The following DNM3 variants were observed in gnomAD, a reference collection of about 807,000 sequenced individuals.
DNM3 encodes the protein dynamin-3.
DNM3 carries 47 observed loss-of-function variants against 101.6 expected under a neutral mutation model. That is an observed-to-expected ratio of 0.46 (90% CI 0.37 to 0.59). The LOEUF (loss-of-function observed/expected upper bound fraction) is 0.59, where lower values mean the gene tolerates loss of function less well. Ranked by LOEUF, DNM3 falls within the 20% of genes least tolerant of loss-of-function variation. DNM3 has a pLI of 0.00. For missense variants in DNM3, 849 were observed against 1,085.7 expected (o/e 0.78, Z 3.06); for synonymous variants, 385 against 387.9 (o/e 0.99, Z 0.09).
At chr1:172,066,460 G>A (rs769698804) in intron 10 of DNM3, among the ~76,000 whole-genome samples, 3 of 152,018 alleles carry the variant, frequency 2.0e-5, no homozygotes, top group Non-Finnish European at 2.9e-5. Flanking sequence ...AGCTCAGGTC[G>A]CTAGTCCTCT....
intron 1 of DNM3, among the ~76,000 whole-genome samples, chr1:171,871,574 G>C (rs146586438): frequency 9.2e-5 from 14 of 152,132 alleles, no homozygotes; most frequent in East Asian, 1.9e-4. Context: ...TATGAACACC[G>C]TGAAACATCC....
chr1:171,869,025 C>T (rs939809494), intron 1 of DNM3, among the ~76,000 whole-genome samples: 4 of 152,274 alleles, frequency 2.6e-5, no homozygotes, highest in East Asian at 1.9e-4. Context: ...TCAGGTGATC[C>T]GCCTGCCTCA....
At chr1:171,855,561 A>T (rs1239810623) in intron 1 of DNM3, among the ~76,000 whole-genome samples, 1 of 152,154 alleles carries the variant, frequency 6.6e-6, no homozygotes, top group African/African-American at 2.4e-5. Context: ...ACTTTTATAT[A>T]ATAGCCATGC....
At chr1:172,037,733 C>A (rs942981678) in intron 6 of DNM3, among the ~76,000 whole-genome samples, 3 of 152,162 alleles carry the variant, frequency 2.0e-5, no homozygotes, top group African/African-American at 7.2e-5. Context: ...CCTTCAATAG[C>A]AGAGAGAGCT....
chr1:171,940,239 T>C (rs546840483), intron 2 of DNM3, among the ~76,000 whole-genome samples: 2 of 152,336 alleles, frequency 1.3e-5, no homozygotes, highest in African/African-American at 4.8e-5. Context: ...ATTAACAGTC[T>C]CCTGCAAGCC....
chr1:171,885,860 G>A (rs1054106394), intron 1 of DNM3, among the ~76,000 whole-genome samples: 3 of 152,134 alleles, frequency 2.0e-5, no homozygotes, highest in South Asian at 4.1e-4. Flanking sequence ...GCACAGTGAG[G>A]GTTAGGGGGT....
intron 14 of DNM3, among the ~76,000 whole-genome samples, chr1:172,202,789 C>A (rs1426248747): frequency 6.6e-6 from 1 of 152,100 alleles, no homozygotes. Context: ...CTACCAAGTT[C>A]TTTTAACTGG....
chr1:172,149,005 T>A (rs1400773137), intron 14 of DNM3, among the ~76,000 whole-genome samples: 2 of 152,146 alleles, frequency 1.3e-5, no homozygotes, highest in African/African-American at 4.8e-5. Flanking sequence ...AGTAAGAGAT[T>A]TTCCTTCAAC....
intron 14 of DNM3, among the ~76,000 whole-genome samples, chr1:172,147,648 A>G (rs759823008): frequency 2.0e-5 from 3 of 152,124 alleles, no homozygotes; most frequent in Non-Finnish European, 4.4e-5. Flanking sequence ...CAGGGTTACT[A>G]GTGTTTACAA....
At chr1:171,953,781 C>T (rs575118882) in intron 2 of DNM3, among the ~76,000 whole-genome samples, 2 of 152,176 alleles carry the variant, frequency 1.3e-5, no homozygotes, top group Non-Finnish European at 2.9e-5. Context: ...AAAATTTTAA[C>T]TGAAGGATTT....
At chr1:172,355,440 A>G (rs1399377191) in intron 17 of DNM3, among the ~76,000 whole-genome samples, 1 of 152,210 alleles carries the variant, frequency 6.6e-6, no homozygotes. Context: ...TATTGAAATT[A>G]AAATTTTATG....
At position 172,308,734 on chromosome 1, in the gene DNM3, A is replaced by G. The variant is rs533272490; in HGVS notation, c.1776A>G (p.Val592=). ...TTTTTTTTTTTAACTCCAGGAATGTATACAAAGACTATCGCTTCCTTGAGC... is the reference window on the plus strand; with the variant it reads ...TTTTTTTTTTTAACTCCAGGAATGTGTACAAAGACTATCGCTTCCTTGAGC... ...FALFNTEQRN[V]YKDYRFLELA... Residue 592 remains valine (V), a synonymous_variant, in exon 16 of 21, where the codon GTA becomes GTG. Coordinates refer to ENST00000627582, the MANE Select transcript of DNM3 (RefSeq NM_015569.5). 2.0e-4 allele frequency: 323 copies of G among 1,581,256 alleles called. 2 individuals carry two copies. The South Asian group carries it at 3.5e-3, about 17-fold the overall frequency.
At chr1:172,248,020 A>G (rs1407845139) in intron 14 of DNM3, among the ~76,000 whole-genome samples, 1 of 152,030 alleles carries the variant, frequency 6.6e-6, no homozygotes, top group Non-Finnish European at 1.5e-5. Flanking sequence ...ATCTCTTTTA[A>G]GTTCTACCAT....
chr1:172,232,088 G>C (rs1301915717), intron 14 of DNM3, among the ~76,000 whole-genome samples: 1 of 152,118 alleles, frequency 6.6e-6, no homozygotes, highest in East Asian at 1.9e-4. Flanking sequence ...AAAAGACAAA[G>C]ACTGGCAAAT....
chr1:172,377,258 C>T (rs1023260975), intron 17 of DNM3, among the ~76,000 whole-genome samples: 5 of 151,528 alleles, frequency 3.3e-5, no homozygotes, highest in East Asian at 1.9e-4. Context: ...TTGACAATTA[C>T]GATGATACCC....
chr1:171,870,126 G>A (rs554755161), intron 1 of DNM3, among the ~76,000 whole-genome samples: 1 of 152,218 alleles, frequency 6.6e-6, no homozygotes, highest in South Asian at 2.1e-4. Flanking sequence ...CTTGCTTCAG[G>A]ACCTATTTAA....
At chr1:172,241,686 C>T (rs1396295727) in intron 14 of DNM3, among the ~76,000 whole-genome samples, 2 of 152,170 alleles carry the variant, frequency 1.3e-5, no homozygotes, top group East Asian at 3.9e-4. Context: ...AATCTGGAGG[C>T]TGCATAATCA....
At chr1:171,999,688 A>G (rs1432057592) in intron 4 of DNM3, among the ~76,000 whole-genome samples, 2 of 152,132 alleles carry the variant, frequency 1.3e-5, no homozygotes, top group Non-Finnish European at 2.9e-5. Context: ...AGATGTTTTT[A>G]AGTTAAGTAT....
chr1:172,075,833 T>C (rs1400866845), intron 11 of DNM3, among the ~76,000 whole-genome samples: 2 of 152,186 alleles, frequency 1.3e-5, no homozygotes, highest in African/African-American at 4.8e-5. Flanking sequence ...TAAAGTAGTT[T>C]TTTCTAAATC....
Sources: allele counts gnomAD v4.1 joint callset (sites outside exome capture counted in the v4.1 genomes callset), GRCh38; gene constraint gnomAD v4.1.1; transcripts MANE v1.5; gene names NCBI Gene and HGNC (gene_info 2026-07-23, HGNC 2026-07-21).